Variants in KMT2E observed in about 807,000 individuals in gnomAD.
KMT2E encodes histone reader KMT2E.
In KMT2E, 30 loss-of-function variants were observed where a neutral mutation model predicts 184.6. The ratio of observed to expected loss-of-function variants is 0.16; its 90% CI spans 0.12 to 0.22. The LOEUF is 0.22. Among genes scored for constraint, KMT2E ranks in the 10% least tolerant of loss-of-function variants. KMT2E has a pLI of 1.00. For missense variants in KMT2E, 2,023 were observed against 2,237.4 expected (o/e 0.90, Z 1.93); for synonymous variants, 815 against 776.5 (o/e 1.05, Z -0.82).
rs79733583 is a variant in KMT2E, at chr7:105,019,724, A to G, written c.-189+5189A>G. Among the ~76,000 whole-genome samples, 559 of 152,312 alleles carry G rather than the reference A, an allele frequency of 3.7e-3. 15 individuals carry two copies. In the East Asian group the frequency reaches 0.062, roughly 17 times the overall value. On this transcript the variant is annotated intron_variant, in intron 1 of 26. Transcript: ENST00000311117. The stretch of plus-strand genomic sequence containing the variant: ...TTTTTACGACAATTGGACAGAGGTA[A>G]TTTCTTAGCACCTCTTAGGCTGCTT...
intron 4 of KMT2E, 75 bp downstream of exon 4, chr7:105,062,353 TTGAAACGGCA>T: frequency 1.1e-6 from 1 of 881,960 alleles, no homozygotes; most frequent in Non-Finnish European, 1.8e-6. Context: ...GATACTGTGC[TTGAAACGGCA>T]TGTTTGAAAA....
Position 105,041,015 on chromosome 7 carries a change from A to T in KMT2E, c.63A>T (p.Ala21=). Residue 21 remains alanine, a synonymous_variant, in exon 3 of 27, where the codon GCA becomes GCT. Coordinates refer to ENST00000311117, the MANE Select transcript of KMT2E (RefSeq NM_182931.3). ...TAETSYLEMA[A]GSEPESVEAS... ...AGACGTCATACTTGGAAATGGCTGC[A>T]GGTTCAGAGTAAGTATTTAAATTGG... 6.5e-7 allele frequency: 1 copy of T among 1,547,300 alleles called. No homozygotes were observed. Among genetic ancestry groups the T allele is most frequent in the Non-Finnish European group, 8.8e-7 (1 of 1,131,702 alleles).
intron 3 of KMT2E, among the ~76,000 whole-genome samples, chr7:105,042,454 G>A (rs1016351507): frequency 2.3e-4 from 35 of 152,154 alleles, no homozygotes; most frequent in African/African-American, 8.5e-4. Flanking sequence ...TTTGAGCAAT[G>A]TGTTTTATAT....
intron 15 of KMT2E, among the ~76,000 whole-genome samples, chr7:105,096,772 C>G (rs1030340402): frequency 2.0e-5 from 3 of 152,150 alleles, no homozygotes; most frequent in Non-Finnish European, 4.4e-5. Context: ...ATGAAGCTTC[C>G]CTGTAGTTCA....
At chr7:105,084,744 ATG>A (rs1424392280) in intron 13 of KMT2E, among the ~76,000 whole-genome samples, 2 of 152,208 alleles carry the variant, frequency 1.3e-5, no homozygotes, top group Non-Finnish European at 2.9e-5. Context: ...GCTCCTGGGC[ATG>A]TGTCACATGG....
intron 8 of KMT2E, among the ~76,000 whole-genome samples, chr7:105,075,366 C>G (rs931585319): frequency 1.3e-5 from 2 of 152,094 alleles, no homozygotes; most frequent in African/African-American, 4.8e-5. Flanking sequence ...TCCTTCAGAT[C>G]TGGCAGATGA....
chr7:105,029,521 A>T (rs1302001526), intron 1 of KMT2E, among the ~76,000 whole-genome samples: 1 of 152,210 alleles, frequency 6.6e-6, no homozygotes, highest in African/African-American at 2.4e-5. Flanking sequence ...TGACATATTG[A>T]AAGGGTTGTT....
In KMT2E at chr7:105,110,586, C is replaced by CA. The variant is rs1457391208; in HGVS notation, c.3955dup (p.Ser1319LysfsTer2). Reference sequence around the variant, plus strand: ...AAGCTAAGGGCCCAGTCCCTTCTTTCAGTGAACTTATGGAAGGTCAGTAAG... The same window carrying CA: ...AAGCTAAGGGCCCAGTCCCTTCTTTCAAGTGAACTTATGGAAGGTCAGTAAG... On this transcript the variant is annotated frameshift_variant, in exon 25 of 27. Transcript: ENST00000311117. LOFTEE classifies it high-confidence loss of function. 6.2e-7 allele frequency: 1 copy of CA among 1,613,968 alleles called. No homozygotes were observed. The highest frequency in any genetic ancestry group is 1.7e-5 in the Admixed American group (1 of 59,996).
intron 3 of KMT2E, among the ~76,000 whole-genome samples, chr7:105,050,046 TC>T (rs1796265722): frequency 6.6e-6 from 1 of 152,206 alleles, no homozygotes; most frequent in Non-Finnish European, 1.5e-5. Context: ...ATCTTCAGTT[TC>T]TCTATTAGAT....
chr7:105,092,869 T>C (rs1798261853), intron 15 of KMT2E, among the ~76,000 whole-genome samples: 1 of 152,058 alleles, frequency 6.6e-6, no homozygotes, highest in Admixed American at 6.6e-5. Context: ...TTAAGGGCTG[T>C]AGTGACCACT....
intron 13 of KMT2E, among the ~76,000 whole-genome samples, chr7:105,083,481 A>G (rs984614367): frequency 7.9e-5 from 12 of 152,196 alleles, no homozygotes; most frequent in African/African-American, 2.4e-4. Flanking sequence ...CAAAGCATCA[A>G]TGGTACCAAT....
intron 12 of KMT2E, among the ~76,000 whole-genome samples, chr7:105,080,386 GT>G (rs955628523): frequency 6.8e-4 from 97 of 143,594 alleles, no homozygotes; most frequent in African/African-American, 9.6e-4. Flanking sequence ...GAATGTAGGT[GT>G]TTTTTTTTTT....
Position 105,040,887 on chromosome 7 carries a change from G to A in KMT2E, c.-66G>A. 1 of 1,161,928 alleles carries A rather than the reference G, an allele frequency of 8.6e-7. No individual in the cohort carries two copies. Among genetic ancestry groups the A allele is most frequent in the Non-Finnish European group, 1.3e-6 (1 of 783,490 alleles). The allele number at this position is 1,161,928 out of a possible 1,614,324, so 72.0% of individuals were successfully genotyped here. A position where few individuals can be genotyped will look rare whatever the true frequency, so the allele number is the denominator to read the frequency against. On this transcript the variant is annotated 5_prime_UTR_variant, in exon 3 of 27. An upstream start codon of the reference 5' UTR is lost. Coordinates refer to ENST00000311117, the MANE Select transcript of KMT2E (RefSeq NM_182931.3). ...TTGCAATGAGCACTGTGGCTGGCAT[G>A]CCCCAGTGTTTTGGATACCAATGCA...
At position 105,081,004 on chromosome 7, in the gene KMT2E, A is replaced by G. The variant is rs148856641; in HGVS notation, c.1249-684A>G. On this transcript the variant is annotated intron_variant, in intron 12 of 26. Coordinates refer to ENST00000311117, the MANE Select transcript of KMT2E (RefSeq NM_182931.3). ...GATGGCAGAGTGAGACTCTGTCTCA[A>G]AACAACAACAGCAACAACAAAAAAC... is the stretch of plus-strand genomic sequence containing the variant. Among the ~76,000 whole-genome samples, 463 of 152,168 alleles carry G rather than the reference A, an allele frequency of 3.0e-3. 15 individuals carry two copies. In the East Asian group the frequency reaches 0.065, roughly 21 times the overall value.
chr7:105,036,014 A>G (rs1422784001), intron 1 of KMT2E, among the ~76,000 whole-genome samples: 1 of 152,132 alleles, frequency 6.6e-6, no homozygotes, highest in Non-Finnish European at 1.5e-5. Context: ...TAATCAGAGG[A>G]AACGCAATTC....
chr7:105,079,220 C>T (rs962341556), intron 12 of KMT2E, among the ~76,000 whole-genome samples: 9 of 151,420 alleles, frequency 5.9e-5, no homozygotes, highest in East Asian at 3.9e-4. Context: ...ATGTAACCTC[C>T]GTCTTCCGGG....
intron 18 of KMT2E, 41 bp from the exon 19 acceptor site, chr7:105,105,818 C>G: frequency 6.3e-7 from 1 of 1,592,946 alleles, no homozygotes; most frequent in Non-Finnish European, 8.5e-7. Flanking sequence ...TAAACAGCTA[C>G]AAAGTGATTC....
chr7:105,093,766 G>T (rs1798301707), intron 15 of KMT2E, among the ~76,000 whole-genome samples: 1 of 152,092 alleles, frequency 6.6e-6, no homozygotes, highest in African/African-American at 2.4e-5. Flanking sequence ...TACTTACTTG[G>T]AATCCATTTT....
At chr7:105,044,857 C>T (rs1178481619) in intron 3 of KMT2E, among the ~76,000 whole-genome samples, 1 of 152,122 alleles carries the variant, frequency 6.6e-6, no homozygotes, top group East Asian at 1.9e-4. Context: ...GAAACCACAC[C>T]CTGATACTCC....
Sources: allele counts gnomAD v4.1 joint callset (sites outside exome capture counted in the v4.1 genomes callset), GRCh38; gene constraint gnomAD v4.1.1; transcripts MANE v1.5; gene names NCBI Gene and HGNC (gene_info 2026-07-23, HGNC 2026-07-21).